The following MAP1S variants were observed in gnomAD, a reference collection of about 807,000 sequenced individuals.
MAP1S encodes the protein microtubule-associated protein 1S.
MAP1S carries 27 observed loss-of-function variants against 60.9 expected under a neutral mutation model. The ratio of observed to expected loss-of-function variants is 0.44; its 90% CI spans 0.33 to 0.61. MAP1S has a LOEUF of 0.61. MAP1S is among the 20% of genes least tolerant of loss of function. The pLI is 0.03. For missense variants in MAP1S, 1,608 were observed against 1,486.6 expected, an observed-to-expected ratio of 1.08 and a Z score of -1.34; for synonymous variants, 826 against 694.2, an observed-to-expected ratio of 1.19 and a Z score of -2.98.
At chr19:17,722,933 A>G (rs1232898436) in intron 2 of MAP1S, among the ~76,000 whole-genome samples, 6 of 152,214 alleles carry the variant, frequency 3.9e-5, no homozygotes, top group African/African-American at 1.4e-4. Flanking sequence ...CTGCCTCTCA[A>G]GACTCAGCCT....
rs1217247799 is a variant in MAP1S, at chr19:17,727,281, A to G, written c.1897A>G (p.Ile633Val). 1 of 1,585,874 alleles carries G rather than the reference A, an allele frequency of 6.3e-7. No homozygotes were observed. The highest frequency in any genetic ancestry group is 2.3e-5 in the East Asian group (1 of 43,682). The change falls in exon 5 of 7, where the codon ATC (isoleucine) becomes GTC (valine). Residue 633 changes from isoleucine to valine, a missense_variant. Ile to Val is a conservative substitution (Grantham distance 29, BLOSUM62 3). Coordinates refer to ENST00000324096, the MANE Select transcript of MAP1S (RefSeq NM_018174.6). The surrounding 1 kb of genome is among the most constrained non-coding windows in gnomAD (Gnocchi z 4.1). ...GGAGCTGCCTTTGGCCGCCAGCTCA[A>G]TCCCAAGGCCACGCACACCCTCCCC... ...ALELPLAASS[I>V]PRPRTPSPES...
chr19:17,733,202 G>A lies in MAP1S; in HGVS notation c.2798G>A (p.Ser933Asn). 6.5e-7 allele frequency: 1 copy of A among 1,536,692 alleles called. No individual in the cohort carries two copies. Among genetic ancestry groups the A allele is most frequent in the Non-Finnish European group, 8.8e-7 (1 of 1,139,632 alleles). ...ATCCCCCCGCCCGCAGGGTCAGCCA[G>A]CAGCCGGCCCGGGGTGTCAGCCACC... is the stretch of plus-strand genomic sequence containing the variant. ...TATRGPSGSA[S>N]SRPGVSATPP... Residue 933 changes from serine (S) to asparagine (N), a missense_variant, in exon 6 of 7, where the codon AGC (serine) becomes AAC (asparagine). Ser to Asn is a conservative substitution (Grantham distance 46). Transcript: ENST00000324096.
At position 17,727,647 on chromosome 19, in the gene MAP1S, C is replaced by A. The variant is rs745454676; in HGVS notation, c.2263C>A (p.Pro755Thr). Residue 755 changes from proline to threonine, a missense_variant, in exon 5 of 7, where the codon CCG (proline) becomes ACG (threonine). By Grantham distance (38) the Pro-to-Thr change is conservative. Coordinates refer to ENST00000324096, the MANE Select transcript of MAP1S (RefSeq NM_018174.6). This position sits in a 1 kb window ranked among gnomAD's most constrained non-coding sequence, Gnocchi z 4.1. Reference protein sequence around the residue: ...FEHRKAVPMAPAPASPGSSND... With the variant: ...FEHRKAVPMATAPASPGSSND... Reference sequence around the variant, plus strand: ...GCATCGCAAGGCGGTGCCAATGGCACCGGCACCTGCGTCCCCCGGCAGCTC... The same window carrying A: ...GCATCGCAAGGCGGTGCCAATGGCAACGGCACCTGCGTCCCCCGGCAGCTC... 1.2e-6 allele frequency: 2 copies of A among 1,608,528 alleles called. No individual in the cohort carries two copies. Among genetic ancestry groups the A allele is most frequent in the Non-Finnish European group, 1.7e-6 (2 of 1,179,690 alleles).
At chr19:17,733,772 C>G (rs1309974103) in intron 6 of MAP1S, among the ~76,000 whole-genome samples, 6 of 152,200 alleles carry the variant, frequency 3.9e-5, no homozygotes, top group Admixed American at 3.9e-4. Context: ...GGCTGAGAAC[C>G]CTCCCCCATG....
rs2080409156 is a variant in MAP1S, at chr19:17,725,456, G to A, written c.444+267G>A. ...GCCAAATGGGTCCTTCCTGGTGCCC[G>A]CAGTCTGGGTAGGACACATGGGCAA... On this transcript the variant is annotated intron_variant, in intron 4 of 6. Transcript: ENST00000324096. The surrounding 1 kb of genome is among the most constrained non-coding windows in gnomAD (Gnocchi z 4.2). Among the ~76,000 whole-genome samples the A allele has an allele frequency of 6.6e-6, 1 of 152,204 alleles. No homozygotes were observed. The highest frequency in any genetic ancestry group is 1.5e-5 in the Non-Finnish European group (1 of 68,044).
At position 17,734,464 on chromosome 19, in the gene MAP1S, C is replaced by T. The variant is rs550457134; in HGVS notation, c.*36C>T. 23 of 1,584,488 alleles carry T rather than the reference C, an allele frequency of 1.5e-5. No individual in the cohort carries two copies. Among genetic ancestry groups the T allele is most frequent in the African/African-American group, 1.3e-4 (10 of 74,560 alleles). ...GACACGCCCCCCACTCAGCCCAGCCCGCCTGTCCCTAGATTCAGCCACATC... is the reference window on the plus strand; with the variant it reads ...GACACGCCCCCCACTCAGCCCAGCCTGCCTGTCCCTAGATTCAGCCACATC... On this transcript the variant is annotated 3_prime_UTR_variant, in exon 7 of 7. Coordinates refer to ENST00000324096, the MANE Select transcript of MAP1S (RefSeq NM_018174.6).
At chr19:17,733,132 AG>A in intron 5 of MAP1S, 60 bp from the exon 6 acceptor site, 1 of 1,190,712 alleles carries the variant, frequency 8.4e-7, no homozygotes, top group South Asian at 1.5e-5. Context: ...TCGAACTTGG[AG>A]CCTCGGCCCC....
At position 17,726,459 on chromosome 19, in the gene MAP1S, C is replaced by A; in HGVS notation, c.1075C>A (p.Leu359Met). ...ARGEDEAELA[L>M]SLLAQLGITP... Reference sequence around the variant, plus strand: ...CGGCGAGGATGAGGCGGAGCTGGCGCTGAGCCTCCTGGCGCAGCTGGGCAT... The same window carrying A: ...CGGCGAGGATGAGGCGGAGCTGGCGATGAGCCTCCTGGCGCAGCTGGGCAT... The change falls in exon 5 of 7, where the codon CTG (leucine) becomes ATG (methionine). Residue 359 changes from leucine (L) to methionine (M), a missense_variant. Physicochemically the swap from Leu to Met is conservative, Grantham distance 15 (BLOSUM62 2). Coordinates refer to ENST00000324096, the MANE Select transcript of MAP1S (RefSeq NM_018174.6). 2 of 1,551,546 alleles carry A rather than the reference C, an allele frequency of 1.3e-6. No individual in the cohort carries two copies. Among genetic ancestry groups the A allele is most frequent in the Non-Finnish European group, 1.7e-6 (2 of 1,154,290 alleles).
In MAP1S at chr19:17,725,219, CCCCAGCTCT is replaced by C. The variant is rs780494088; in HGVS notation, c.444+31_444+39del. ...GCCACCCCTTTGCCATCCCCTGCTT[CCCCAGCTCT>C]GAATCCTGACTGGGGTGTATCAGGC... On this transcript the variant is annotated intron_variant, in intron 4 of 6. Coordinates refer to ENST00000324096, the MANE Select transcript of MAP1S (RefSeq NM_018174.6). This position sits in a 1 kb window ranked among gnomAD's most constrained non-coding sequence, Gnocchi z 4.2. 6.3e-7 allele frequency: 1 copy of C among 1,585,320 alleles called. No homozygotes were observed. Among genetic ancestry groups the C allele is most frequent in the Non-Finnish European group, 8.6e-7 (1 of 1,166,058 alleles).
rs773299854 is a variant in MAP1S, at chr19:17,727,929, C to G, written c.2545C>G (p.Pro849Ala). The part of the protein sequence containing the change: ...SICMVDPEML[P>A]PKTARQTENV... Reference sequence around the variant, plus strand: ...CTGCATGGTGGACCCCGAGATGCTGCCCCCCAAGACAGCACGGCAAACGGA... The same window carrying G: ...CTGCATGGTGGACCCCGAGATGCTGGCCCCCAAGACAGCACGGCAAACGGA... The change falls in exon 5 of 7, where the codon CCC becomes GCC. Residue 849 changes from proline to alanine, a missense_variant. Transcript: ENST00000324096. This position sits in a 1 kb window ranked among gnomAD's most constrained non-coding sequence, Gnocchi z 4.1. The G allele has an allele frequency of 1.2e-6, 2 of 1,607,924 alleles. No homozygotes were observed. The highest frequency in any genetic ancestry group is 1.7e-6 in the Non-Finnish European group (2 of 1,176,818).
chr19:17,720,022 C>T (rs957591719), intron 1 of MAP1S: 19 of 722,920 alleles, frequency 2.6e-5, no homozygotes, highest in Middle Eastern at 6.2e-4. Context: ...ATAGAGATCT[C>T]CCGGAGGGAG....
chr19:17,722,998 G>A (rs1275952270), intron 2 of MAP1S, among the ~76,000 whole-genome samples: 1 of 152,022 alleles, frequency 6.6e-6, no homozygotes, highest in Non-Finnish European at 1.5e-5. Context: ...ACCCTGGTCC[G>A]GGTTGGCCCT....
intron 5 of MAP1S, among the ~76,000 whole-genome samples, chr19:17,731,845 T>C (rs2080495893): frequency 6.6e-6 from 1 of 152,170 alleles, no homozygotes; most frequent in Non-Finnish European, 1.5e-5. Context: ...TTTGTATTTT[T>C]AGTAAGAGAC....
chr19:17,727,055 G>T lies in MAP1S; in HGVS notation c.1671G>T (p.Gln557His). ...SVPNLKKTNA[Q>H]AAPKPRKAPS... is the part of the protein sequence containing the mutation. ...CCAACCTCAAGAAGACGAATGCCCA[G>T]GCGGCACCCAAGCCCCGCAAAGCGC... Residue 557 changes from glutamine (Q) to histidine (H), a missense_variant, in exon 5 of 7, where the codon CAG becomes CAT. Gln to His is a conservative substitution (Grantham distance 24). Coordinates refer to ENST00000324096, the MANE Select transcript of MAP1S (RefSeq NM_018174.6). This position sits in a 1 kb window ranked among gnomAD's most constrained non-coding sequence, Gnocchi z 4.1. The T allele has an allele frequency of 6.2e-7, 1 of 1,606,386 alleles. No individual in the cohort carries two copies. The highest frequency in any genetic ancestry group is 8.5e-7 in the Non-Finnish European group (1 of 1,177,690).
chr19:17,732,402 C>T (rs1387835911), intron 5 of MAP1S, among the ~76,000 whole-genome samples: 3 of 152,160 alleles, frequency 2.0e-5, no homozygotes, highest in African/African-American at 7.2e-5. Context: ...CTTCTTGTGC[C>T]CGAGACCCAG....
Position 17,726,237 on chromosome 19 carries a change from G to T in MAP1S, c.853G>T (p.Val285Leu). ...FWKLVRHLDR[V>L]DAVLVTHPGA... ...GAAGCTGGTGCGGCACCTGGACCGC[G>T]TGGATGCCGTGCTGGTGACCCACCC... Residue 285 changes from valine to leucine, a missense_variant, in exon 5 of 7, where the codon GTG becomes TTG. By Grantham distance (32) the Val-to-Leu change is conservative. Transcript: ENST00000324096. 1 of 1,607,898 alleles carries T rather than the reference G, an allele frequency of 6.2e-7. No homozygotes were observed. Among genetic ancestry groups the T allele is most frequent in the Non-Finnish European group, 8.5e-7 (1 of 1,177,652 alleles).
intron 5 of MAP1S, chr19:17,732,932 G>A (rs1207999223): frequency 3.9e-6 from 2 of 507,752 alleles, no homozygotes; most frequent in Non-Finnish European, 6.9e-6. Flanking sequence ...TGCACCTGTA[G>A]TCCCATCTAC....
intron 2 of MAP1S, among the ~76,000 whole-genome samples, chr19:17,723,625 C>T (rs929657438): frequency 3.9e-5 from 6 of 152,000 alleles, no homozygotes; most frequent in Admixed American, 2.0e-4. Context: ...CCGAGGCAGG[C>T]GGATCACGAG....
chr19:17,727,018 C>A lies in MAP1S; in HGVS notation c.1634C>A (p.Ala545Asp), dbSNP rs769552097. 3 of 1,595,702 alleles carry A rather than the reference C, an allele frequency of 1.9e-6. No homozygotes were observed. In the African/African-American group the frequency reaches 4.0e-5, roughly 21 times the overall value. Residue 545 changes from alanine to aspartate, a missense_variant, in exon 5 of 7, where the codon GCC (alanine) becomes GAC (aspartate). Transcript: ENST00000324096. This position sits in a 1 kb window ranked among gnomAD's most constrained non-coding sequence, Gnocchi z 4.1. Reference sequence around the variant, plus strand: ...CAGCCGCGGGAGGTGCGCCGGGCAGCCTCTTCTGTGCCCAACCTCAAGAAG... The same window carrying A: ...CAGCCGCGGGAGGTGCGCCGGGCAGACTCTTCTGTGCCCAACCTCAAGAAG... The part of the protein sequence containing the change: ...RTQPREVRRA[A>D]SSVPNLKKTN...
Sources: allele counts gnomAD v4.1 joint callset (sites outside exome capture counted in the v4.1 genomes callset), GRCh38; gene constraint gnomAD v4.1.1; non-coding constraint Gnocchi (gnomAD v3.1); transcripts MANE v1.5; gene names NCBI Gene and HGNC (gene_info 2026-07-23, HGNC 2026-07-21).